The following ZNF462 variants were observed in gnomAD, a reference collection of about 807,000 sequenced individuals.
ZNF462 encodes the protein zinc finger PBX1-interacting protein.
Under a neutral mutation model 201.9 loss-of-function variants are expected in ZNF462, and 10 were observed. The ratio of observed to expected loss-of-function variants is 0.05; its 90% CI spans 0.03 to 0.08. The LOEUF is 0.08. ZNF462 is among the 10% of genes least tolerant of loss of function. ZNF462 has a pLI of 1.00. For missense variants in ZNF462, 2,523 were observed against 3,168.3 expected (o/e 0.80, Z 4.89); for synonymous variants, 1,227 against 1,193.3 (o/e 1.03, Z -0.58).
intron 1 of ZNF462, among the ~76,000 whole-genome samples, chr9:106,894,214 C>A (rs576169209): frequency 3.3e-5 from 5 of 152,330 alleles, no homozygotes; most frequent in Admixed American, 6.5e-5. Flanking sequence ...CACTGCCATA[C>A]TGGGTGCTGC....
intron 10 of ZNF462, among the ~76,000 whole-genome samples, chr9:106,988,795 G>A (rs532952389): frequency 1.2e-4 from 18 of 151,666 alleles, no homozygotes; most frequent in East Asian, 3.9e-4. Flanking sequence ...ATTTTTTTGC[G>A]GCTATTTTAA....
chr9:106,984,391 C>T lies in ZNF462; in HGVS notation c.7038C>T (p.His2346=). 1 of 1,613,414 alleles carries T rather than the reference C, an allele frequency of 6.2e-7. No individual in the cohort carries two copies. ...AGCACACGGAGGAACTGGACAGCCA[C>T]CTTCGGGATGAGCATAAGGTACTTA... ...ETKHTEELDS[H]LRDEHKVSRN... is the part of the protein sequence containing the mutation. The change falls in exon 10 of 13, where the codon CAC becomes CAT. Residue 2346 remains histidine (H), a synonymous_variant. Coordinates refer to ENST00000277225, the MANE Select transcript of ZNF462 (RefSeq NM_021224.6). This position sits in a 1 kb window ranked among gnomAD's most constrained non-coding sequence, Gnocchi z 6.4.
In ZNF462 at chr9:106,923,981, T is replaced by C. The variant is rs1174345665; in HGVS notation, c.221-152T>C. On this transcript the variant is annotated intron_variant, in intron 2 of 12. Transcript: ENST00000277225. The surrounding 1 kb of genome is among the most constrained non-coding windows in gnomAD (Gnocchi z 5.6). Reference sequence around the variant, plus strand: ...GCAGTACGTATATCTTCATTGATGCTTTGTGAATACTCTTCAAGGCCTCAT... The same window carrying C: ...GCAGTACGTATATCTTCATTGATGCCTTGTGAATACTCTTCAAGGCCTCAT... The C allele has an allele frequency of 7.5e-6, 5 of 670,880 alleles. No homozygotes were observed. Among genetic ancestry groups the C allele is most frequent in the African/African-American group, 3.6e-5 (2 of 55,016 alleles). 41.6% of individuals were successfully genotyped at this position (670,880 alleles called of 1,614,324 possible). A position where few individuals can be genotyped will look rare whatever the true frequency, so the allele number is the denominator to read the frequency against.
rs1253549127 is a variant in ZNF462, at chr9:106,970,954, G to A, written c.6428-1051G>A. On this transcript the variant is annotated intron_variant, in intron 7 of 12. Coordinates refer to ENST00000277225, the MANE Select transcript of ZNF462 (RefSeq NM_021224.6). The surrounding 1 kb of genome is among the most constrained non-coding windows in gnomAD (Gnocchi z 4.2). ...GTTAAGATTTGTGCCTGTCATTTCC[G>A]ACATTTTCCTCAGAATCGCAAACTT... Among the ~76,000 whole-genome samples, 4 of 151,588 alleles carry A rather than the reference G, an allele frequency of 2.6e-5. No individual in the cohort carries two copies. Among genetic ancestry groups the A allele is most frequent in the Admixed American group, 6.6e-5 (1 of 15,224 alleles).
chr9:106,925,067 C>G lies in ZNF462; in HGVS notation c.1155C>G (p.Asp385Glu). 1 of 1,614,174 alleles carries G rather than the reference C, an allele frequency of 6.2e-7. No individual in the cohort carries two copies. Among genetic ancestry groups the G allele is most frequent in the South Asian group, 1.1e-5 (1 of 91,076 alleles). The change falls in exon 3 of 13, where the codon GAC becomes GAG. Residue 385 changes from aspartate (D) to glutamate (E), a missense_variant. Transcript: ENST00000277225. The surrounding 1 kb of genome is among the most constrained non-coding windows in gnomAD (Gnocchi z 7.9). ...ADLETNSMLN[D>E]SSSDEELNEI... is the part of the protein sequence containing the mutation. ...TGGAAACTAACAGCATGCTAAATGA[C>G]TCTAGTTCTGATGAAGAGTTAAATG... is the stretch of plus-strand genomic sequence containing the variant.
chr9:106,974,309 G>C lies in ZNF462; in HGVS notation c.6832+36G>C, dbSNP rs772795293. Reference sequence around the variant, plus strand: ...TAACTTGGTTTTCTTGGATGCAGCGGGGGGCAGGCAGCAGAGATGGCCTTC... The same window carrying C: ...TAACTTGGTTTTCTTGGATGCAGCGCGGGGCAGGCAGCAGAGATGGCCTTC... On this transcript the variant is annotated intron_variant, in intron 9 of 12. Coordinates refer to ENST00000277225, the MANE Select transcript of ZNF462 (RefSeq NM_021224.6). This position sits in a 1 kb window ranked among gnomAD's most constrained non-coding sequence, Gnocchi z 4.0. The C allele has an allele frequency of 5.0e-6, 8 of 1,613,798 alleles. No individual in the cohort carries two copies. The Admixed American group carries it at 6.7e-5, about 13-fold the overall frequency.
At chr9:106,866,152 T>C (rs1277676434) in intron 1 of ZNF462, among the ~76,000 whole-genome samples, 2 of 152,178 alleles carry the variant, frequency 1.3e-5, no homozygotes, top group Non-Finnish European at 2.9e-5. Context: ...AGAAGAAATA[T>C]AGAAAGGTAC....
At chr9:107,000,715 A>G (rs1564165197) in intron 10 of ZNF462, among the ~76,000 whole-genome samples, 2 of 152,214 alleles carry the variant, frequency 1.3e-5, no homozygotes, top group Admixed American at 1.3e-4. Flanking sequence ...GTCATGTACT[A>G]TTTTAAAATC....
At chr9:106,863,770 C>A (rs933465256) in intron 1 of ZNF462, among the ~76,000 whole-genome samples, 15 of 149,428 alleles carry the variant, frequency 1.0e-4, no homozygotes, top group Middle Eastern at 3.5e-3. Flanking sequence ...GAGAAGAGAG[C>A]TGGAGGCTTA....
intron 7 of ZNF462, among the ~76,000 whole-genome samples, chr9:106,969,928 C>T (rs1193730996): frequency 6.6e-6 from 1 of 152,144 alleles, no homozygotes; most frequent in Non-Finnish European, 1.5e-5. Flanking sequence ...CAGCTCAAGC[C>T]TGTGATAACA....
At chr9:106,910,755 A>G (rs766914567) in intron 1 of ZNF462, among the ~76,000 whole-genome samples, 1 of 151,894 alleles carries the variant, frequency 6.6e-6, no homozygotes, top group Non-Finnish European at 1.5e-5. Context: ...GTGTGAGACA[A>G]TTAGCCACCA....
Position 106,954,440 on chromosome 9 carries a change from C to A in ZNF462, c.6427+15333C>A. Among the ~76,000 whole-genome samples, 1 of 151,402 alleles carries A rather than the reference C, an allele frequency of 6.6e-6. No individual in the cohort carries two copies. Among genetic ancestry groups the A allele is most frequent in the Middle Eastern group, 3.4e-3 (1 of 292 alleles). Reference sequence around the variant, plus strand: ...CTCCCACAAGGTCCCTTCCTTGACACGTGGGGATTACAATTAGAGATGAGA... The same window carrying A: ...CTCCCACAAGGTCCCTTCCTTGACAAGTGGGGATTACAATTAGAGATGAGA... On this transcript the variant is annotated intron_variant, in intron 7 of 12. Coordinates refer to ENST00000277225, the MANE Select transcript of ZNF462 (RefSeq NM_021224.6). This position sits in a 1 kb window ranked among gnomAD's most constrained non-coding sequence, Gnocchi z 4.0.
chr9:106,888,584 TG>T (rs33981117), intron 1 of ZNF462, among the ~76,000 whole-genome samples: 26,312 of 152,202 alleles, frequency 0.17, 2,239 homozygotes, highest in African/African-American at 0.2. Flanking sequence ...AAAACATAAC[TG>T]GGGCTCTTTT....
chr9:106,996,186 G>C (rs577978968), intron 10 of ZNF462, among the ~76,000 whole-genome samples: 71 of 152,256 alleles, frequency 4.7e-4, no homozygotes, highest in African/African-American at 1.6e-3. Context: ...TGGTGTATAT[G>C]TGCCACATTT....
intron 10 of ZNF462, among the ~76,000 whole-genome samples, chr9:106,985,064 T>C (rs771465870): frequency 6.6e-6 from 1 of 152,028 alleles, no homozygotes; most frequent in Non-Finnish European, 1.5e-5. Flanking sequence ...TGAAGTGAGA[T>C]AGCACCACTG....
chr9:106,925,911 T>C lies in ZNF462; in HGVS notation c.1999T>C (p.Ser667Pro). ...KSQTSILGLSSKNNFVAKASR... is the reference protein window; with the variant it reads ...KSQTSILGLSPKNNFVAKASR... ...TCAGACCTCAATTCTTGGGTTGTCC[T>C]CCAAGAACAATTTTGTAGCTAAAGC... Residue 667 changes from serine to proline, a missense_variant, in exon 3 of 13, where the codon TCC (serine) becomes CCC (proline). Around this residue, in one of 15 missense-constraint regions of ZNF462, gnomAD observed 383 missense variants for 453.4 expected, o/e 0.84. Transcript: ENST00000277225. The surrounding 1 kb of genome is among the most constrained non-coding windows in gnomAD (Gnocchi z 7.9). 6.2e-7 allele frequency: 1 copy of C among 1,614,142 alleles called. No individual in the cohort carries two copies. The highest frequency in any genetic ancestry group is 8.5e-7 in the Non-Finnish European group (1 of 1,180,030).
At chr9:106,891,107 T>C (rs1828557150) in intron 1 of ZNF462, among the ~76,000 whole-genome samples, 1 of 152,032 alleles carries the variant, frequency 6.6e-6, no homozygotes, top group African/African-American at 2.4e-5. Context: ...AAATGGGAGA[T>C]TGTTTGGTAT....
chr9:106,971,891 A>G (rs112608706), intron 7 of ZNF462, 114 bp from the exon 8 acceptor site: 39 of 1,334,432 alleles, frequency 2.9e-5, no homozygotes, highest in African/African-American at 1.6e-4. Flanking sequence ...CCGTTTGTCA[A>G]TTATACCTTA....
rs747832330 is a variant in ZNF462, at chr9:106,895,338, G to C, written c.-30-28016G>C. Among the ~76,000 whole-genome samples the C allele has an allele frequency of 6.6e-6, 1 of 152,122 alleles. No homozygotes were observed. Among genetic ancestry groups the C allele is most frequent in the Non-Finnish European group, 1.5e-5 (1 of 68,026 alleles). Reference sequence around the variant, plus strand: ...GCACCAAGCATTAGCTTCTGCCCGTGCTCCCTTCTAAATATCATGTAGGCT... The same window carrying C: ...GCACCAAGCATTAGCTTCTGCCCGTCCTCCCTTCTAAATATCATGTAGGCT... On this transcript the variant is annotated intron_variant, in intron 1 of 12. Transcript: ENST00000277225. This position sits in a 1 kb window ranked among gnomAD's most constrained non-coding sequence, Gnocchi z 4.4.
Sources: allele counts gnomAD v4.1 joint callset (sites outside exome capture counted in the v4.1 genomes callset), GRCh38; gene constraint gnomAD v4.1.1; regional missense constraint gnomAD v4.1.1; non-coding constraint Gnocchi (gnomAD v3.1); transcripts MANE v1.5; gene names NCBI Gene and HGNC (gene_info 2026-07-23, HGNC 2026-07-21).